Variants in LTBP3 observed in about 807,000 individuals in gnomAD.
LTBP3 encodes the protein latent transforming growth factor beta binding protein 3, also known as latent-transforming growth factor beta-binding protein 3.
In LTBP3, 97 loss-of-function variants were observed where a neutral mutation model predicts 159.7. The ratio of observed to expected loss-of-function variants is 0.61; its 90% CI spans 0.52 to 0.72. LTBP3 has a LOEUF of 0.72. Ranked by LOEUF, LTBP3 falls within the 30% of genes least tolerant of loss-of-function variation. The pLI is 0.00. For missense variants in LTBP3, 1,584 were observed against 1,864.3 expected (o/e 0.85, Z 2.77); for synonymous variants, 824 against 777.1 (o/e 1.06, Z -1.00).
intron 16 of LTBP3, chr11:65,543,936 C>T (rs1856263141): frequency 3.0e-6 from 1 of 330,540 alleles, no homozygotes. Flanking sequence ...CCGGGACACA[C>T]TTTCCTGAGG....
intron 1 of LTBP3, among the ~76,000 whole-genome samples, chr11:65,555,602 G>A (rs1856780004): frequency 6.6e-6 from 1 of 152,198 alleles, no homozygotes; most frequent in Admixed American, 6.5e-5. Flanking sequence ...TGCTCTGGAA[G>A]GCAGGGCCAG....
At chr11:65,541,027 C>T (rs1856112337) in intron 20 of LTBP3, 73 bp from the exon 21 acceptor site, 2 of 1,583,414 alleles carry the variant, frequency 1.3e-6, no homozygotes, top group Non-Finnish European at 1.7e-6. Flanking sequence ...GGCTGCAGCC[C>T]GCCGCCTATT....
Position 65,552,039 on chromosome 11 carries a change from G to C in LTBP3, c.1464C>G (p.Pro488=), listed in dbSNP as rs1353823237. The change falls in exon 8 of 28, where the codon CCC becomes CCG. Residue 488 remains proline (P), a synonymous_variant. Coordinates refer to ENST00000301873, the MANE Select transcript of LTBP3 (RefSeq NM_001130144.3). The surrounding 1 kb of genome is among the most constrained non-coding windows in gnomAD (Gnocchi z 6.0). ...GGCTCTCCGGAAGCTGCTGGGGCTT[G>C]GGTGGCCCGTCAGGGTGCAGGAAAA... ...FSLFLHPDGP[P]KPQQLPESPS... 1 of 1,613,978 alleles carries C rather than the reference G, an allele frequency of 6.2e-7. No individual in the cohort carries two copies. Among genetic ancestry groups the C allele is most frequent in the Non-Finnish European group, 8.5e-7 (1 of 1,180,014 alleles).
chr11:65,540,703 C>CGGGCGGGGCCTACAGGAT, intron 21 of LTBP3, 89 bp from the exon 22 acceptor site: 4 of 1,243,482 alleles, frequency 3.2e-6, no homozygotes, highest in Non-Finnish European at 3.4e-6. Flanking sequence ...AAGCCATCCC[C>CGGGCGGGGCCTACAGGAT]GGGCGGGGCC....
chr11:65,548,138 A>G, intron 11 of LTBP3, 93 bp from the exon 12 acceptor site: 1 of 1,581,898 alleles, frequency 6.3e-7, no homozygotes, highest in Non-Finnish European at 8.6e-7. Flanking sequence ...TCACACCATG[A>G]CCTCAGGTTC....
Position 65,546,454 on chromosome 11 carries a change from G to T in LTBP3, c.2341C>A (p.Arg781Ser), listed in dbSNP as rs1298912459. The change falls in exon 16 of 28, where the codon CGC becomes AGC. Residue 781 changes from arginine to serine, a missense_variant. Physicochemically the swap from Arg to Ser is moderately radical, Grantham distance 110. Around this residue, in one of 6 missense-constraint regions of LTBP3, gnomAD observed 565 missense variants for 677.7 expected, o/e 0.83. Transcript: ENST00000301873. The surrounding 1 kb of genome is among the most constrained non-coding windows in gnomAD (Gnocchi z 4.0). ...AQGYAPAPDG[R>S]SCLDVDECEA... is the part of the protein sequence containing the mutation. ...TGCTGGCGCTCACCCAAGCAACTGC[G>T]GCCGTCGGGCGCGGGCGCGTAGCCC... is the stretch of plus-strand genomic sequence containing the variant. 1 of 1,567,698 alleles carries T rather than the reference G, an allele frequency of 6.4e-7. No homozygotes were observed. The highest frequency in any genetic ancestry group is 8.6e-7 in the Non-Finnish European group (1 of 1,164,292).
rs1856680563 is a variant in LTBP3, at chr11:65,553,337, T to C, written c.971-81A>G. ...ACAGCAGATGTAGAGAGGAATCTGGTGACCTGGGGACTCCCACTGCAGGGA... is the reference window on the plus strand; with the variant it reads ...ACAGCAGATGTAGAGAGGAATCTGGCGACCTGGGGACTCCCACTGCAGGGA... On this transcript the variant is annotated intron_variant, in intron 4 of 27. Transcript: ENST00000301873. The surrounding 1 kb of genome is among the most constrained non-coding windows in gnomAD (Gnocchi z 6.5). 8.5e-6 allele frequency: 9 copies of C among 1,060,794 alleles called. No homozygotes were observed. The highest frequency in any genetic ancestry group is 1.2e-5 in the Non-Finnish European group (9 of 744,122). 65.7% of individuals were successfully genotyped at this position (1,060,794 alleles called of 1,614,324 possible).
Position 65,539,470 on chromosome 11 carries a change from C to T in LTBP3, c.3629-11G>A, listed in dbSNP as rs1855959170. ...CTGAACTGTCCTCATCTGCGTGGCC[C>T]GGAACAATATGGACTTCAACACTGA... On this transcript the variant is annotated splice_polypyrimidine_tract_variant and intron_variant, in intron 26 of 27. Coordinates refer to ENST00000301873, the MANE Select transcript of LTBP3 (RefSeq NM_001130144.3). 2 of 1,575,454 alleles carry T rather than the reference C, an allele frequency of 1.3e-6. No homozygotes were observed. The highest frequency in any genetic ancestry group is 1.7e-6 in the Non-Finnish European group (2 of 1,160,520).
chr11:65,553,570 GC>G lies in LTBP3; in HGVS notation c.865-41del. ...GGGAGGTGGGGTCACAGAGCACCCC[GC>G]CCCGGTGCCGCCTGTTAGGGTTGGG... On this transcript the variant is annotated intron_variant, in intron 3 of 27. Transcript: ENST00000301873. The surrounding 1 kb of genome is among the most constrained non-coding windows in gnomAD (Gnocchi z 6.5). 1 of 1,488,880 alleles carries G rather than the reference GC, an allele frequency of 6.7e-7. No individual in the cohort carries two copies. The allele number at this position is 1,488,880 out of a possible 1,614,324, so 92.2% of individuals were successfully genotyped here.
At position 65,557,824 on chromosome 11, in the gene LTBP3, C is replaced by A. The variant is rs766420288; in HGVS notation, c.136G>T (p.Ala46Ser). Residue 46 changes from alanine (A) to serine (S), a missense_variant, in exon 1 of 28, where the codon GCC (alanine) becomes TCC (serine). Ala to Ser is a moderately conservative substitution (Grantham distance 99). Transcript: ENST00000301873. Reference protein sequence around the residue: ...GLGGRVEGGPAGERGAGGGGA... With the variant: ...GLGGRVEGGPSGERGAGGGGA... ...CCCCCGCCTGCGCCCCGCTCGCCGG[C>A]CGGCCCCCCCTCGACCCTGCCGCCC... 4.1e-6 allele frequency: 6 copies of A among 1,472,390 alleles called. No homozygotes were observed. The highest frequency in any genetic ancestry group is 4.5e-6 in the Non-Finnish European group (5 of 1,113,360). 91.2% of individuals were successfully genotyped at this position (1,472,390 alleles called of 1,614,324 possible).
At position 65,557,977 on chromosome 11, in the gene LTBP3, G is replaced by C; in HGVS notation, c.-18C>G. ...CCGGGCATCCGGGGCCGCAGGACCC[G>C]GGGGAGGGGGGGCGCGCCCGGGCGG... is the stretch of plus-strand genomic sequence containing the variant. On this transcript the variant is annotated 5_prime_UTR_variant, in exon 1 of 28. Transcript: ENST00000301873. 2 of 1,132,908 alleles carry C rather than the reference G, an allele frequency of 1.8e-6. No individual in the cohort carries two copies. Among genetic ancestry groups the C allele is most frequent in the Non-Finnish European group, 2.2e-6 (2 of 926,688 alleles). 70.2% of individuals were successfully genotyped at this position (1,132,908 alleles called of 1,614,324 possible). A position where few individuals can be genotyped will look rare whatever the true frequency, so the allele number is the denominator to read the frequency against.
At chr11:65,540,649 G>T (rs372084911) in intron 21 of LTBP3, 35 bp from the exon 22 acceptor site, 8 of 1,593,678 alleles carry the variant, frequency 5.0e-6, no homozygotes, top group Non-Finnish European at 6.8e-6. Flanking sequence ...CTCCGGTCCC[G>T]CAGCTGCAGC....
chr11:65,557,584 G>T, intron 1 of LTBP3, 45 bp downstream of exon 1: 1 of 1,602,298 alleles, frequency 6.2e-7, no homozygotes. Flanking sequence ...CACCGGGCCT[G>T]GTGCCTGTCC....
chr11:65,552,917 A>G lies in LTBP3; in HGVS notation c.1129T>C (p.Tyr377His). Reference sequence around the variant, plus strand: ...TGGCCAGGTGGGCAGACACAGCGATAGGAGCCAGGGTTGTTGAGGCAGTCA... The same window carrying G: ...TGGCCAGGTGGGCAGACACAGCGATGGGAGCCAGGGTTGTTGAGGCAGTCA... ...HGDCLNNPGS[Y>H]RCVCPPGHSL... Residue 377 changes from tyrosine to histidine, a missense_variant, in exon 6 of 28, where the codon TAT (tyrosine) becomes CAT (histidine). Around this residue, in one of 6 missense-constraint regions of LTBP3, gnomAD observed 156 missense variants for 259.7 expected, o/e 0.60. Coordinates refer to ENST00000301873, the MANE Select transcript of LTBP3 (RefSeq NM_001130144.3). This position sits in a 1 kb window ranked among gnomAD's most constrained non-coding sequence, Gnocchi z 6.0. 1 of 1,614,204 alleles carries G rather than the reference A, an allele frequency of 6.2e-7. No individual in the cohort carries two copies. Among genetic ancestry groups the G allele is most frequent in the South Asian group, 1.1e-5 (1 of 91,088 alleles).
At position 65,539,386 on chromosome 11, in the gene LTBP3, G is replaced by A. The variant is rs1438462498; in HGVS notation, c.3702C>T (p.Gly1234=). 4 of 1,544,796 alleles carry A rather than the reference G, an allele frequency of 2.6e-6. No individual in the cohort carries two copies. The highest frequency in any genetic ancestry group is 1.7e-4 in the Middle Eastern group (1 of 5,968). Residue 1234 remains glycine (G), a synonymous_variant, in exon 27 of 28, where the codon GGC becomes GGT. Transcript: ENST00000301873. Reference sequence around the variant, plus strand: ...AGCCGCCGGGACACTCGCACACGGCGCCGCCCGGCCGCGGCACGCAGCGGC... The same window carrying A: ...AGCCGCCGGGACACTCGCACACGGCACCGCCCGGCCGCGGCACGCAGCGGC... The part of the protein sequence containing the change: ...VSGRCVPRPG[G]AVCECPGGFQ...
At chr11:65,540,431 C>A (rs551916390) in intron 22 of LTBP3, 49 bp from the exon 23 acceptor site, 1 of 1,609,180 alleles carries the variant, frequency 6.2e-7, no homozygotes, top group East Asian at 2.2e-5. Context: ...GGGATGGGCG[C>A]GGTGGCGCGT....
Position 65,554,873 on chromosome 11 carries a change from A to G in LTBP3, c.332-493T>C, listed in dbSNP as rs1590787764. Among the ~76,000 whole-genome samples the G allele has an allele frequency of 6.7e-6, 1 of 149,070 alleles. No homozygotes were observed. The highest frequency in any genetic ancestry group is 2.1e-4 in the South Asian group (1 of 4,676). ...CCTCAGTCCTCTCTGCCTGCTCTCC[A>G]CCCTCTCCCTCTTCACCATCCTGGG... On this transcript the variant is annotated intron_variant, in intron 1 of 27. Transcript: ENST00000301873. The surrounding 1 kb of genome is among the most constrained non-coding windows in gnomAD (Gnocchi z 5.3).
In LTBP3 at chr11:65,540,282, A is replaced by G; in HGVS notation, c.3207T>C (p.Ser1069=). The part of the protein sequence containing the change: ...RCACTPPAEY[S]PAQRQCLSPE... The stretch of plus-strand genomic sequence containing the variant: ...GGCTCAGGCACTGGCGCTGCGCGGG[A>G]CTGTACTCGGCAGGGGGCGTGCAGG... Residue 1069 remains serine (S), a synonymous_variant, in exon 23 of 28, where the codon AGT becomes AGC. Coordinates refer to ENST00000301873, the MANE Select transcript of LTBP3 (RefSeq NM_001130144.3). 6.4e-7 allele frequency: 1 copy of G among 1,556,320 alleles called. No homozygotes were observed. The highest frequency in any genetic ancestry group is 8.7e-7 in the Non-Finnish European group (1 of 1,149,976).
rs754299983 is a variant in LTBP3, at chr11:65,554,163, G to A, written c.549C>T (p.His183=). ...CGATCACCTGGACGGCGTAGATGGC[G>A]TGCTTGCTGGCCACAGAGTCGCCCT... The part of the protein sequence containing the change: ...APEGDSVASK[H]AIYAVQVIAD... The change falls in exon 2 of 28, where the codon CAC becomes CAT. Residue 183 remains histidine (H), a synonymous_variant. Coordinates refer to ENST00000301873, the MANE Select transcript of LTBP3 (RefSeq NM_001130144.3). The surrounding 1 kb of genome is among the most constrained non-coding windows in gnomAD (Gnocchi z 5.3). 2.7e-5 allele frequency: 43 copies of A among 1,612,032 alleles called. No homozygotes were observed. The South Asian group carries it at 3.1e-4, about 12-fold the overall frequency.
Sources: allele counts gnomAD v4.1 joint callset (sites outside exome capture counted in the v4.1 genomes callset), GRCh38; gene constraint gnomAD v4.1.1; regional missense constraint gnomAD v4.1.1; non-coding constraint Gnocchi (gnomAD v3.1); transcripts MANE v1.5; gene names NCBI Gene and HGNC (gene_info 2026-07-23, HGNC 2026-07-21).